The following SOX6 variants were observed in gnomAD, a reference collection of about 807,000 sequenced individuals.
SOX6 encodes the protein transcription factor SOX-6.
Under a neutral mutation model 97.8 loss-of-function variants are expected in SOX6, and 11 were observed. That is an observed-to-expected ratio of 0.11 (90% CI 0.07 to 0.19). The LOEUF (loss-of-function observed/expected upper bound fraction) is 0.19. Ranked by LOEUF, SOX6 falls within the 10% of genes least tolerant of loss-of-function variation. The probability of loss-of-function intolerance (pLI) is 1.00; values close to 1 mark genes in which losing one functional copy is unlikely to be tolerated. For synonymous variants in SOX6, 360 were observed against 371.4 expected, an observed-to-expected ratio of 0.97 and a Z score of 0.35; for missense variants, 810 against 1,039.5, an observed-to-expected ratio of 0.78 and a Z score of 3.04.
At chr11:16,479,502 C>A (rs12293819), upstream of SOX6, among the ~76,000 whole-genome samples, 47 of 150,188 alleles carry the variant, frequency 3.1e-4, no homozygotes, top group African/African-American at 1.0e-3. Context: ...TGCACTCCAA[C>A]CCGGGCAACG....
intron 4 of SOX6, among the ~76,000 whole-genome samples, chr11:16,545,843 T>G (rs1448709217): frequency 6.6e-6 from 1 of 152,064 alleles, no homozygotes; most frequent in Non-Finnish European, 1.5e-5. Context: ...TCCCAGCTAC[T>G]CAGGAGGTTG....
chr11:16,396,562 C>G (rs1164202476), intron 1 of SOX6, among the ~76,000 whole-genome samples: 1 of 151,464 alleles, frequency 6.6e-6, no homozygotes, highest in Non-Finnish European at 1.5e-5. Flanking sequence ...AGAAAATGTG[C>G]ATTTGTTTGT....
chr11:16,702,993 T>C (rs939655094), intron 3 of SOX6, among the ~76,000 whole-genome samples: 2 of 150,888 alleles, frequency 1.3e-5, no homozygotes, highest in Admixed American at 1.3e-4. Context: ...AGGAATACAT[T>C]TGCCTTGAAC....
intron 3 of SOX6, among the ~76,000 whole-genome samples, chr11:16,236,410 T>C (rs1214718125): frequency 6.6e-6 from 1 of 152,056 alleles, no homozygotes; most frequent in Non-Finnish European, 1.5e-5. Flanking sequence ...AGATTGCTTT[T>C]TCTCAAATCA....
At chr11:16,575,568 G>A (rs1847979348) in intron 4 of SOX6, among the ~76,000 whole-genome samples, 1 of 152,086 alleles carries the variant, frequency 6.6e-6, no homozygotes, top group South Asian at 2.1e-4. Context: ...CAATGAAGTA[G>A]GTCTTCATGA....
intron 12 of SOX6, chr11:16,015,357 G>A (rs1854853911): frequency 2.7e-6 from 1 of 377,344 alleles, no homozygotes; most frequent in Non-Finnish European, 4.9e-6. Flanking sequence ...CAATAGAGAG[G>A]GTTGAGCCAA....
chr11:16,405,885 G>C (rs1858675393), intron 1 of SOX6, among the ~76,000 whole-genome samples: 1 of 151,834 alleles, frequency 6.6e-6, no homozygotes. Context: ...TGTTGTTTTT[G>C]CCTTCTGTTT....
chr11:16,603,098 T>G (rs1047488135), intron 4 of SOX6, among the ~76,000 whole-genome samples: 5 of 152,192 alleles, frequency 3.3e-5, no homozygotes, highest in African/African-American at 9.7e-5. Context: ...TTTGCTTGTT[T>G]GTTTGTTTTG....
At chr11:16,635,354 C>T (rs142385221) in intron 3 of SOX6, among the ~76,000 whole-genome samples, 1,705 of 152,274 alleles carry the variant, frequency 0.011, 24 homozygotes, top group African/African-American at 0.039. Context: ...AGATGAGGAA[C>T]TTGTTGGGAA....
chr11:16,235,037 T>A (rs1169012759), intron 3 of SOX6, among the ~76,000 whole-genome samples: 1 of 151,994 alleles, frequency 6.6e-6, no homozygotes, highest in Non-Finnish European at 1.5e-5. Context: ...ATCCAGGCAA[T>A]ATTTTTTAAG....
chr11:16,494,646 G>T (rs190302553), intron 4 of SOX6, among the ~76,000 whole-genome samples: 4 of 152,042 alleles, frequency 2.6e-5, no homozygotes, highest in African/African-American at 9.7e-5. Flanking sequence ...AGAGAACACT[G>T]AAATTCAATA....
At chr11:16,415,401 A>G (rs995243988) in intron 1 of SOX6, among the ~76,000 whole-genome samples, 1 of 152,076 alleles carries the variant, frequency 6.6e-6, no homozygotes, top group African/African-American at 2.4e-5. Context: ...TAACAGGGAG[A>G]AAAACAGGGA....
intron 2 of SOX6, among the ~76,000 whole-genome samples, chr11:16,330,848 A>G (rs957430391): frequency 6.6e-6 from 1 of 152,144 alleles, no homozygotes; most frequent in African/African-American, 2.4e-5. Flanking sequence ...TCACACAGCA[A>G]ATTAGGGCAG....
chr11:16,622,384 A>G (rs978301307), intron 3 of SOX6, among the ~76,000 whole-genome samples: 2 of 152,210 alleles, frequency 1.3e-5, no homozygotes, highest in Admixed American at 6.5e-5. Flanking sequence ...AGCCGTGTAC[A>G]CTGTACCCAA....
intron 4 of SOX6, among the ~76,000 whole-genome samples, chr11:16,538,103 G>A (rs1047503267): frequency 2.0e-5 from 3 of 152,136 alleles, no homozygotes; most frequent in Non-Finnish European, 4.4e-5. Context: ...ACAAAGGGAA[G>A]CCCATAAGAC....
chr11:16,638,536 C>T (rs1848832883), intron 3 of SOX6, among the ~76,000 whole-genome samples: 1 of 152,212 alleles, frequency 6.6e-6, no homozygotes. Flanking sequence ...GTCCCACCAA[C>T]AGGGTAAAAG....
intron 10 of SOX6, among the ~76,000 whole-genome samples, chr11:16,054,129 A>C (rs1847754430): frequency 6.6e-6 from 1 of 152,156 alleles, no homozygotes. Flanking sequence ...AGCAGATATA[A>C]ACTTGAATTT....
intron 4 of SOX6, among the ~76,000 whole-genome samples, chr11:16,606,775 G>C (rs1275482474): frequency 6.6e-6 from 1 of 152,086 alleles, no homozygotes; most frequent in Non-Finnish European, 1.5e-5. Context: ...AATGTCCTAC[G>C]CACAGTTATC....
chr11:16,539,568 C>T (rs1345715008), intron 4 of SOX6, among the ~76,000 whole-genome samples: 2 of 151,766 alleles, frequency 1.3e-5, no homozygotes, highest in African/African-American at 2.4e-5. Context: ...ATTGATAGAC[C>T]ACTAGCAAGA....
Sources: allele counts gnomAD v4.1 joint callset (sites outside exome capture counted in the v4.1 genomes callset), GRCh38; gene constraint gnomAD v4.1.1; transcripts MANE v1.5; gene names NCBI Gene and HGNC (gene_info 2026-07-23, HGNC 2026-07-21).